The following ALMS1 variants were observed in gnomAD, a reference collection of about 807,000 sequenced individuals.
ALMS1 encodes centrosome-associated protein ALMS1.
ALMS1 carries 271 observed loss-of-function variants against 352.2 expected under a neutral mutation model. That is an observed-to-expected ratio of 0.77 (90% CI 0.70 to 0.85). The LOEUF is 0.85. ALMS1 is among the 40% of genes least tolerant of loss of function. The pLI, the probability that ALMS1 is intolerant of heterozygous loss-of-function variation, is 0.00. For synonymous variants in ALMS1, 1,865 were observed against 1,761.2 expected, an observed-to-expected ratio of 1.06 and a Z score of -1.48; for missense variants, 5,445 against 4,870.7, an observed-to-expected ratio of 1.12 and a Z score of -3.51.
Position 73,489,652 on chromosome 2 carries a change from G to A in ALMS1, c.7693G>A (p.Gly2565Arg). The A allele has an allele frequency of 1.2e-6, 2 of 1,614,070 alleles. No homozygotes were observed. The highest frequency in any genetic ancestry group is 1.1e-5 in the South Asian group (1 of 91,080). Residue 2565 changes from glycine to arginine, a missense_variant, in exon 10 of 23, where the codon GGA becomes AGA. Transcript: ENST00000613296. ...CTTCTAGGGTTTACAGAGTCCACGG[G>A]GAATGGGATGCAAGCCAGAAGCTGT... ...DLSKGLQSPR[G>R]MGCKPEAVCS...
intron 9 of ALMS1, among the ~76,000 whole-genome samples, chr2:73,482,844 A>C (rs1310207771): frequency 6.6e-6 from 1 of 151,690 alleles, no homozygotes; most frequent in Admixed American, 6.6e-5. Context: ...CATTTCTTCT[A>C]GATTTTCTAG....
At chr2:73,395,074 A>ATTTTTT (rs1286212985) in intron 1 of ALMS1, among the ~76,000 whole-genome samples, 1 of 101,212 alleles carries the variant, frequency 9.9e-6, no homozygotes, top group Non-Finnish European at 1.9e-5. Context: ...ATATATATAT[A>ATTTTTT]TATATTTTTT....
chr2:73,589,418 C>T (rs1573044113), intron 16 of ALMS1, among the ~76,000 whole-genome samples: 2 of 152,148 alleles, frequency 1.3e-5, no homozygotes, highest in East Asian at 3.8e-4. Context: ...ACTTCCAGTG[C>T]CAAGGGTTGA....
Position 73,431,886 on chromosome 2 carries a change from CAG to C in ALMS1, c.1339-310_1339-309del, listed in dbSNP as rs1206742429. On this transcript the variant is annotated intron_variant, in intron 6 of 22. Transcript: ENST00000613296. ...TCATAAGGAGCAAACTTCTGAGTAA[CAG>C]AACACTTCTAAGCATACTATCTATA... Among the ~76,000 whole-genome samples, 9 of 152,294 alleles carry C rather than the reference CAG, an allele frequency of 5.9e-5. No individual in the cohort carries two copies. The East Asian group carries it at 1.7e-3, about 29-fold the overall frequency.
Position 73,452,058 on chromosome 2 carries a change from A to G in ALMS1, c.5531A>G (p.Asn1844Ser), listed in dbSNP as rs1405423471. ...PGPADQKTGI[N>S]ILPSNSYPQR... is the part of the protein sequence containing the mutation. ...CCAGCTGACCAGAAGACTGGAATAA[A>G]CATCCTGCCCTCTAATTCCTACCCA... Residue 1844 changes from asparagine to serine, a missense_variant, in exon 8 of 23, where the codon AAC becomes AGC. Physicochemically the swap from Asn to Ser is conservative, Grantham distance 46. Coordinates refer to ENST00000613296, the MANE Select transcript of ALMS1 (RefSeq NM_001378454.1). 1 of 1,613,920 alleles carries G rather than the reference A, an allele frequency of 6.2e-7. No individual in the cohort carries two copies. The highest frequency in any genetic ancestry group is 8.5e-7 in the Non-Finnish European group (1 of 1,179,990).
intron 10 of ALMS1, among the ~76,000 whole-genome samples, chr2:73,519,204 C>G (rs992124859): frequency 2.0e-5 from 3 of 152,182 alleles, no homozygotes; most frequent in African/African-American, 7.2e-5. Context: ...GAAGGTTAAG[C>G]TTAACCTTCT....
intron 9 of ALMS1, among the ~76,000 whole-genome samples, chr2:73,462,968 T>A (rs948155359): frequency 1.3e-5 from 2 of 152,102 alleles, no homozygotes; most frequent in East Asian, 3.8e-4. Context: ...AAGTCCTTAG[T>A]GACCTACAAA....
intron 15 of ALMS1, among the ~76,000 whole-genome samples, chr2:73,561,199 G>A (rs1357010131): frequency 2.0e-5 from 3 of 152,234 alleles, no homozygotes; most frequent in African/African-American, 4.8e-5. Flanking sequence ...GGCAGCTGTA[G>A]TTCAGGCCTA....
Position 73,600,756 on chromosome 2 carries a change from A to T in ALMS1, c.11747A>T (p.Glu3916Val). ...GITFPTPSSS[E>V]AKLEENSDVT... Reference sequence around the variant, plus strand: ...ACTTTCCCAACTCCAAGTTCCAGCGAGGCTAAATTGGAAGAGAACAGTGAT... The same window carrying T: ...ACTTTCCCAACTCCAAGTTCCAGCGTGGCTAAATTGGAAGAGAACAGTGAT... Residue 3916 changes from glutamate (E) to valine (V), a missense_variant, in exon 18 of 23, where the codon GAG becomes GTG. Glu to Val is a moderately radical substitution (Grantham distance 121). Coordinates refer to ENST00000613296, the MANE Select transcript of ALMS1 (RefSeq NM_001378454.1). 6.2e-7 allele frequency: 1 copy of T among 1,614,222 alleles called. No individual in the cohort carries two copies. The highest frequency in any genetic ancestry group is 1.7e-5 in the Admixed American group (1 of 60,034).
chr2:73,510,832 G>T (rs899360759), intron 10 of ALMS1, among the ~76,000 whole-genome samples: 1 of 152,158 alleles, frequency 6.6e-6, no homozygotes, highest in African/African-American at 2.4e-5. Flanking sequence ...CTTCCCCCAG[G>T]TGCTCTGTCC....
intron 1 of ALMS1, among the ~76,000 whole-genome samples, chr2:73,401,931 C>T (rs1458329540): frequency 1.3e-5 from 2 of 152,002 alleles, no homozygotes; most frequent in Non-Finnish European, 2.9e-5. Flanking sequence ...ATTTTTCTAT[C>T]TTCCAGGTTT....
intron 16 of ALMS1, among the ~76,000 whole-genome samples, chr2:73,590,491 T>C (rs1035112695): frequency 3.9e-5 from 6 of 152,148 alleles, no homozygotes; most frequent in Non-Finnish European, 8.8e-5. Context: ...CTATAATTTT[T>C]AATTTTGCTA....
chr2:73,556,111 C>T (rs1328351816), intron 13 of ALMS1, among the ~76,000 whole-genome samples: 1 of 152,094 alleles, frequency 6.6e-6, no homozygotes, highest in Non-Finnish European at 1.5e-5. Flanking sequence ...TATTTTATTT[C>T]TTAAGCTCTA....
intron 10 of ALMS1, among the ~76,000 whole-genome samples, chr2:73,503,687 A>G (rs1673263439): frequency 6.6e-6 from 1 of 152,180 alleles, no homozygotes; most frequent in South Asian, 2.1e-4. Flanking sequence ...GACTTCCACA[A>G]TGGTTGAACT....
intron 10 of ALMS1, among the ~76,000 whole-genome samples, chr2:73,492,312 A>G (rs1558668292): frequency 1.3e-5 from 2 of 152,040 alleles, no homozygotes; most frequent in East Asian, 2.0e-4. Context: ...CATAATCTAC[A>G]TGTGGTAGTA....
At chr2:73,549,060 T>C (rs1674376061) in intron 12 of ALMS1, among the ~76,000 whole-genome samples, 1 of 152,198 alleles carries the variant, frequency 6.6e-6, no homozygotes, top group Admixed American at 6.5e-5. Context: ...ACTGTACTAA[T>C]GATACAGGTA....
At chr2:73,609,181 C>G (rs962199485) in intron 22 of ALMS1, among the ~76,000 whole-genome samples, 1 of 152,200 alleles carries the variant, frequency 6.6e-6, no homozygotes, top group African/African-American at 2.4e-5. Context: ...CTGTCAGTCA[C>G]CAGACTGATG....
chr2:73,432,085 A>G, intron 6 of ALMS1, 113 bp from the exon 7 acceptor site: 1 of 765,424 alleles, frequency 1.3e-6, no homozygotes, highest in Non-Finnish European at 2.3e-6. Context: ...TTTTTAGCAG[A>G]TGAGGTTTGA....
chr2:73,603,262 A>G lies in ALMS1; in HGVS notation c.12320A>G (p.Asn4107Ser). The G allele has an allele frequency of 6.2e-7, 1 of 1,614,194 alleles. No individual in the cohort carries two copies. The highest frequency in any genetic ancestry group is 8.5e-7 in the Non-Finnish European group (1 of 1,180,012). The change falls in exon 21 of 23, where the codon AAC becomes AGC. Residue 4107 changes from asparagine (N) to serine (S), a missense_variant. Asn to Ser is a conservative substitution (Grantham distance 46, BLOSUM62 1). Coordinates refer to ENST00000613296, the MANE Select transcript of ALMS1 (RefSeq NM_001378454.1). ...CTAGTCTTCCTGGCTATCCAGAAGA[A>G]CAAGCCTATCAGCAAGAAGGAAATG... ...PKRVFLAIQK[N>S]KPISKKEMIQ...
Sources: gnomAD v4.1 joint callset for allele counts (sites outside exome capture counted in the v4.1 genomes callset) on GRCh38, gnomAD v4.1.1 for gene constraint, MANE v1.5 for transcripts, NCBI Gene and HGNC (gene_info 2026-07-23, HGNC 2026-07-21) for gene names.